SUN1: variants seen among roughly 807,000 people sequenced by gnomAD.
SUN1 encodes the protein Sad1 and UNC84 domain containing 1.
A neutral mutation model predicts 103.2 loss-of-function variants in SUN1; 61 were observed. The observed-to-expected ratio is 0.59, with a 90% CI of 0.48 to 0.73. The LOEUF is 0.73. Among genes scored for constraint, SUN1 ranks in the 30% least tolerant of loss-of-function variants. SUN1 has a pLI of 0.00. For synonymous variants in SUN1, 490 were observed against 425.7 expected (o/e 1.15, Z -1.86); for missense variants, 1,052 against 1,034.6 (o/e 1.02, Z -0.23).
intron 1 of SUN1, among the ~76,000 whole-genome samples, chr7:835,837 G>A (rs1434029269): frequency 6.6e-6 from 1 of 152,244 alleles, no homozygotes; most frequent in African/African-American, 2.4e-5. Flanking sequence ...GAACCAACGT[G>A]CTGCTGCCCA....
chr7:869,580 A>C, intron 17 of SUN1, 64 bp downstream of exon 17: 1 of 1,575,854 alleles, frequency 6.3e-7, no homozygotes, highest in Non-Finnish European at 8.6e-7. Context: ...AGATGAAAGC[A>C]AGTGACGTGA....
intron 1 of SUN1, among the ~76,000 whole-genome samples, chr7:836,845 G>A (rs1323639372): frequency 6.6e-6 from 1 of 152,238 alleles, no homozygotes; most frequent in Non-Finnish European, 1.5e-5. Flanking sequence ...TCAAGGAGGA[G>A]GCAGTTTTCT....
intron 3 of SUN1, chr7:842,558 G>A (rs1396439584): frequency 4.9e-6 from 1 of 203,454 alleles, no homozygotes; most frequent in Non-Finnish European, 1.1e-5. Context: ...GCCAGGGTTA[G>A]AGAGTTCTTA....
chr7:830,102 GGGAAGGA>G (rs891610741), upstream of SUN1, among the ~76,000 whole-genome samples: 1 of 152,246 alleles, frequency 6.6e-6, no homozygotes, highest in Non-Finnish European at 1.5e-5. Context: ...TCTGTTAAGG[GGGAAGGA>G]GGAAGGAGGG....
chr7:827,956 G>A (rs569687922), upstream of SUN1, among the ~76,000 whole-genome samples: 278 of 151,826 alleles, frequency 1.8e-3, 1 homozygote, highest in African/African-American at 6.3e-3. Context: ...GTCACAGGCT[G>A]GAATGCGCTG....
intron 5 of SUN1, among the ~76,000 whole-genome samples, chr7:844,651 C>T (rs1041499697): frequency 6.6e-6 from 1 of 152,200 alleles, no homozygotes; most frequent in African/African-American, 2.4e-5. Flanking sequence ...CGGGGCGGCA[C>T]GTGGGTTCCC....
chr7:872,679 T>C (rs1328136888), intron 18 of SUN1, 117 bp downstream of exon 18: 3 of 771,796 alleles, frequency 3.9e-6, no homozygotes, highest in Non-Finnish European at 6.3e-6. Flanking sequence ...CTTTGAAAAA[T>C]GTTAACCTGC....
At chr7:860,019 G>T in intron 13 of SUN1, 109 bp from the exon 14 acceptor site, 1 of 1,369,562 alleles carries the variant, frequency 7.3e-7, no homozygotes, top group Non-Finnish European at 9.9e-7. Context: ...TGACATTCTA[G>T]ATTTTGAGAG....
chr7:839,920 A>G (rs752129529), intron 2 of SUN1, among the ~76,000 whole-genome samples: 2 of 152,168 alleles, frequency 1.3e-5, no homozygotes, highest in Non-Finnish European at 2.9e-5. Context: ...AGTTTAGGTT[A>G]TTTACCTATA....
At chr7:849,694 C>A (rs1013050554) in intron 5 of SUN1, 1 of 1,379,154 alleles carries the variant, frequency 7.3e-7, no homozygotes, top group Non-Finnish European at 1.0e-6. Flanking sequence ...GAATGAACGG[C>A]CCGTGTGACA....
At chr7:834,459 A>G (rs1050457934) in intron 1 of SUN1, among the ~76,000 whole-genome samples, 7 of 152,162 alleles carry the variant, frequency 4.6e-5, no homozygotes, top group African/African-American at 1.4e-4. Flanking sequence ...TGGGGGCCTC[A>G]GGGCTGGTCT....
chr7:817,622 C>A (rs1193193916), intron 1 of SUN1: 54 of 1,175,086 alleles, frequency 4.6e-5, no homozygotes, highest in Non-Finnish European at 5.3e-5. Flanking sequence ...ATAGTATTGC[C>A]CATGAAGTGC....
chr7:816,874 G>A (rs1780990890), intron 1 of SUN1: 1 of 150,796 alleles, frequency 6.6e-6, no homozygotes, highest in South Asian at 2.1e-4. Context: ...CCGCGCAGGT[G>A]AAGACGCCCG....
At chr7:844,733 G>T (rs1037598868) in intron 5 of SUN1, among the ~76,000 whole-genome samples, 1 of 152,292 alleles carries the variant, frequency 6.6e-6, no homozygotes, top group East Asian at 1.9e-4. Context: ...GCCACTCTGC[G>T]CCAGGCACTG....
In SUN1 at chr7:852,829, C is replaced by A; in HGVS notation, c.930C>A (p.Gly310=). The A allele has an allele frequency of 4.3e-6, 7 of 1,613,436 alleles. No homozygotes were observed. Among genetic ancestry groups the A allele is most frequent in the Non-Finnish European group, 5.9e-6 (7 of 1,179,596 alleles). The part of the protein sequence containing the change: ...FLLLAGLSLR[G]QGNFFSFLPV... ...TTTTAGCAGGTCTCTCCTTACGGGGCCAGGGCAATTTCTTTTCGTTCTTGC... is the reference window on the plus strand; with the variant it reads ...TTTTAGCAGGTCTCTCCTTACGGGGACAGGGCAATTTCTTTTCGTTCTTGC... The change falls in exon 9 of 19, where the codon GGC becomes GGA. Residue 310 remains glycine, a synonymous_variant. Transcript: ENST00000401592.
chr7:844,104 G>T (rs1032698601), intron 5 of SUN1, among the ~76,000 whole-genome samples: 1 of 152,344 alleles, frequency 6.6e-6, no homozygotes, highest in Non-Finnish European at 1.5e-5. Flanking sequence ...CTGGGCAAGA[G>T]TGTGGGTGTC....
chr7:865,522 C>T (rs745595997), intron 15 of SUN1, among the ~76,000 whole-genome samples: 3 of 152,208 alleles, frequency 2.0e-5, no homozygotes, highest in Non-Finnish European at 4.4e-5. Context: ...ATGTGAGCTA[C>T]TGTAAACAAG....
intron 17 of SUN1, among the ~76,000 whole-genome samples, chr7:872,094 C>T (rs1345491794): frequency 6.6e-6 from 1 of 152,194 alleles, no homozygotes; most frequent in Non-Finnish European, 1.5e-5. Flanking sequence ...GAGGCCTCAT[C>T]TCCCCGGGCT....
intron 16 of SUN1, among the ~76,000 whole-genome samples, chr7:866,863 G>A (rs1356724273): frequency 6.6e-6 from 1 of 150,838 alleles, no homozygotes; most frequent in Non-Finnish European, 1.5e-5. Context: ...CTTTTCTGTG[G>A]CTTCATTTAA....
Sources: allele counts gnomAD v4.1 joint callset (sites outside exome capture counted in the v4.1 genomes callset), GRCh38; gene constraint gnomAD v4.1.1; transcripts MANE v1.5; gene names NCBI Gene and HGNC (gene_info 2026-07-23, HGNC 2026-07-21).